TBC1D5: variants seen among roughly 807,000 people sequenced by gnomAD.
The protein encoded by TBC1D5 is TBC1 domain family member 5, also known as TBC1 domain family, member 5.
Under a neutral mutation model 100.3 loss-of-function variants are expected in TBC1D5, and 75 were observed. The ratio of observed to expected loss-of-function variants is 0.75; its 90% CI spans 0.62 to 0.91. The LOEUF is 0.91. Ranked by LOEUF, TBC1D5 falls within the 40% of genes least tolerant of loss-of-function variation. The pLI is 0.00. For missense variants in TBC1D5, 910 were observed against 942.4 expected, an observed-to-expected ratio of 0.97 and a Z score of 0.45; for synonymous variants, 323 against 325.6, an observed-to-expected ratio of 0.99 and a Z score of 0.09.
chr3:17,168,510 A>T (rs2066864757), intron 19 of TBC1D5, among the ~76,000 whole-genome samples: 1 of 151,954 alleles, frequency 6.6e-6, no homozygotes, highest in Non-Finnish European at 1.5e-5. Context: ...TATGTTAAAC[A>T]CTCAGTGGTC....
At chr3:17,222,614 T>G (rs1417876152) in intron 17 of TBC1D5, among the ~76,000 whole-genome samples, 1 of 152,220 alleles carries the variant, frequency 6.6e-6, no homozygotes, top group East Asian at 1.9e-4. Flanking sequence ...AAATCTGATG[T>G]CTATCTGATG....
At chr3:17,178,150 C>T (rs948713563) in intron 19 of TBC1D5, among the ~76,000 whole-genome samples, 3 of 150,828 alleles carry the variant, frequency 2.0e-5, no homozygotes, top group Admixed American at 2.0e-4. Flanking sequence ...ACTGCAAGCT[C>T]TGCCTCCTGG....
At position 17,673,255 on chromosome 3, in the gene TBC1D5, G is replaced by A. The variant is rs150634771; in HGVS notation, c.-100-49342C>T. 8.3e-3 allele frequency among the ~76,000 whole-genome samples: 1,256 copies of A among 151,536 alleles called. 14 individuals are homozygous for A. The highest frequency in any genetic ancestry group is 0.019 in the South Asian group (91 of 4,802). On this transcript the variant is annotated intron_variant, in intron 1 of 21. Transcript: ENST00000253692. Reference sequence around the variant, plus strand: ...ATACATGTGGTGGCATACTAATTCCGCATGGTAAATACACGTTTGCCTGTT... The same window carrying A: ...ATACATGTGGTGGCATACTAATTCCACATGGTAAATACACGTTTGCCTGTT...
At chr3:17,406,302 G>T in intron 5 of TBC1D5, 116 bp downstream of exon 5, 1 of 800,082 alleles carries the variant, frequency 1.2e-6, no homozygotes, top group Non-Finnish European at 2.0e-6. Context: ...TCAAAATAAT[G>T]GGAGTGAAGT....
intron 20 of TBC1D5, 54 bp from the exon 22 acceptor site, chr3:17,166,982 G>C: frequency 6.6e-7 from 1 of 1,505,644 alleles, no homozygotes; most frequent in Non-Finnish European, 8.9e-7. Flanking sequence ...TTTGTTTTCA[G>C]ATGCTAGCTA....
chr3:17,186,192 C>T (rs946961744), intron 18 of TBC1D5, among the ~76,000 whole-genome samples: 16 of 151,504 alleles, frequency 1.1e-4, no homozygotes, highest in Non-Finnish European at 8.8e-5. Context: ...CATAAGAATC[C>T]TCTGTATCAC....
chr3:17,719,304 G>A (rs1198033178), intron 1 of TBC1D5, among the ~76,000 whole-genome samples: 1 of 152,096 alleles, frequency 6.6e-6, no homozygotes, highest in Non-Finnish European at 1.5e-5. Flanking sequence ...TTTAGTATCT[G>A]AAAAATGAAA....
At chr3:17,303,680 T>C (rs1455015258) in intron 14 of TBC1D5, among the ~76,000 whole-genome samples, 1 of 152,140 alleles carries the variant, frequency 6.6e-6, no homozygotes, top group Non-Finnish European at 1.5e-5. Flanking sequence ...CCCAATTCTT[T>C]GATATATTCA....
intron 19 of TBC1D5, chr3:17,184,696 TA>T (rs879547796): frequency 1.9e-3 from 278 of 145,994 alleles, no homozygotes; most frequent in African/African-American, 3.5e-3. Flanking sequence ...CCCAGCTAAT[TA>T]AAAAAAAAAA....
intron 3 of TBC1D5, among the ~76,000 whole-genome samples, chr3:17,494,361 C>T (rs141610409): frequency 1.2e-3 from 176 of 152,322 alleles, no homozygotes; most frequent in African/African-American, 4.1e-3. Context: ...TCTGGTGACT[C>T]CTGTTGGAAG....
intron 3 of TBC1D5, among the ~76,000 whole-genome samples, chr3:17,476,011 G>C (rs2095433878): frequency 6.6e-6 from 1 of 151,926 alleles, no homozygotes. Context: ...GCTATTGCAT[G>C]GTTCCTTTAC....
chr3:17,669,113 T>C (rs2067622739), intron 1 of TBC1D5, among the ~76,000 whole-genome samples: 1 of 152,194 alleles, frequency 6.6e-6, no homozygotes, highest in Non-Finnish European at 1.5e-5. Flanking sequence ...ACCCTCATAC[T>C]GTTCTCATGA....
chr3:17,412,755 T>G (rs1261089435), intron 4 of TBC1D5, among the ~76,000 whole-genome samples: 1 of 152,010 alleles, frequency 6.6e-6, no homozygotes, highest in Non-Finnish European at 1.5e-5. Flanking sequence ...ATGAGGAAAG[T>G]AAGGTTCAGA....
intron 15 of TBC1D5, among the ~76,000 whole-genome samples, chr3:17,283,951 G>A (rs757273314): frequency 6.3e-4 from 95 of 151,974 alleles, no homozygotes; most frequent in Non-Finnish European, 1.0e-3. Context: ...GGAGGTTCTC[G>A]TCTCTATTCT....
intron 18 of TBC1D5, among the ~76,000 whole-genome samples, chr3:17,192,415 G>C (rs2070057581): frequency 6.6e-6 from 1 of 151,838 alleles, no homozygotes; most frequent in Non-Finnish European, 1.5e-5. Context: ...GTGCAAACCT[G>C]GAGTAGTATA....
chr3:17,343,042 G>A (rs915754196), intron 13 of TBC1D5, among the ~76,000 whole-genome samples: 1 of 152,048 alleles, frequency 6.6e-6, no homozygotes, highest in Non-Finnish European at 1.5e-5. Flanking sequence ...CCTGTCTTGT[G>A]CCAGTTTTCA....
At chr3:17,510,390 T>C (rs2095890729) in intron 2 of TBC1D5, among the ~76,000 whole-genome samples, 1 of 152,024 alleles carries the variant, frequency 6.6e-6, no homozygotes, top group Admixed American at 6.5e-5. Flanking sequence ...CCCCCTGGAA[T>C]TGTGGCTAAA....
intron 13 of TBC1D5, among the ~76,000 whole-genome samples, chr3:17,349,522 T>C (rs925480917): frequency 6.6e-6 from 1 of 152,216 alleles, no homozygotes; most frequent in Non-Finnish European, 1.5e-5. Context: ...AGTATGGTGA[T>C]TGTAACTTTC....
intron 1 of TBC1D5, among the ~76,000 whole-genome samples, chr3:17,641,474 C>A (rs548323107): frequency 2.0e-5 from 3 of 151,938 alleles, no homozygotes; most frequent in Non-Finnish European, 2.9e-5. Context: ...AAAGTGGGGA[C>A]CTAACTCATA....
Sources: allele counts gnomAD v4.1 joint callset (sites outside exome capture counted in the v4.1 genomes callset), GRCh38; gene constraint gnomAD v4.1.1; transcripts MANE v1.5; gene names NCBI Gene and HGNC (gene_info 2026-07-23, HGNC 2026-07-21).